Variants in ERGIC2 observed in about 807,000 individuals in gnomAD.
ERGIC2 encodes the protein ERGIC and golgi 2.
Under a neutral mutation model 52.5 loss-of-function variants are expected in ERGIC2, and 31 were observed. The observed-to-expected ratio is 0.59, with a 90% CI of 0.44 to 0.80. The LOEUF (loss-of-function observed/expected upper bound fraction) is 0.80, where lower values mean the gene tolerates loss of function less well. Ranked by LOEUF, ERGIC2 falls within the 30% of genes least tolerant of loss-of-function variation. The pLI is 0.00. For missense variants in ERGIC2, 395 were observed against 455.2 expected (o/e 0.87, Z 1.20); for synonymous variants, 129 against 140.6 (o/e 0.92, Z 0.58).
chr12:29,351,149 A>C (rs868294873), intron 8 of ERGIC2, among the ~76,000 whole-genome samples: 4 of 151,130 alleles, frequency 2.6e-5, no homozygotes, highest in Non-Finnish European at 5.9e-5. Flanking sequence ...TATATCTGAC[A>C]AAAAAAAACC....
At chr12:29,344,664 A>T (rs1940020105) in intron 11 of ERGIC2, among the ~76,000 whole-genome samples, 1 of 151,748 alleles carries the variant, frequency 6.6e-6, no homozygotes, top group African/African-American at 2.4e-5. Context: ...TAATCTCATA[A>T]GAACAAAAAA....
chr12:29,341,668 T>C, intron 13 of ERGIC2, 66 bp downstream of exon 13: 1 of 850,886 alleles, frequency 1.2e-6, no homozygotes, highest in South Asian at 1.6e-5. Flanking sequence ...CCACCATGAC[T>C]GGCTCATAGA....
At chr12:29,374,951 G>A (rs1408695428) in intron 1 of ERGIC2, among the ~76,000 whole-genome samples, 1 of 152,060 alleles carries the variant, frequency 6.6e-6, no homozygotes, top group Non-Finnish European at 1.5e-5. Context: ...TTAAGAGCTT[G>A]GATTCTATCC....
At chr12:29,343,094 T>C (rs541807330) in intron 12 of ERGIC2, 26 bp downstream of exon 12, 16 of 1,539,214 alleles carry the variant, frequency 1.0e-5, no homozygotes, top group African/African-American at 1.4e-5. Flanking sequence ...TTTCAGAAAT[T>C]AGACAAAAAG....
chr12:29,341,744 G>C lies in ERGIC2; in HGVS notation c.1061C>G (p.Pro354Arg), dbSNP rs1159485601. The C allele has an allele frequency of 6.3e-7, 1 of 1,577,894 alleles. No homozygotes were observed. The highest frequency in any genetic ancestry group is 1.7e-5 in the Admixed American group (1 of 59,856). Residue 354 changes from proline to arginine, a missense_variant, in exon 13 of 14, where the codon CCT (proline) becomes CGT (arginine). Coordinates refer to ENST00000360150, the MANE Select transcript of ERGIC2 (RefSeq NM_016570.3). ...TACTACACCACTTACAGAATTGACA[G>C]GTTTATAGGATCCAAGTCTGAAACG... ...CCRFRLGSYK[P>R]VNSVPFEDGH...
chr12:29,380,361 T>C (rs930984719), intron 1 of ERGIC2, among the ~76,000 whole-genome samples: 1 of 152,096 alleles, frequency 6.6e-6, no homozygotes, highest in East Asian at 1.9e-4. Context: ...TCATTGCTTC[T>C]GAAAACCAGT....
chr12:29,378,733 T>C, intron 1 of ERGIC2, among the ~76,000 whole-genome samples: 1 of 152,120 alleles, frequency 6.6e-6, no homozygotes, highest in East Asian at 1.9e-4. Flanking sequence ...AAAGGTTTAC[T>C]TGGAAGCCAA....
chr12:29,368,264 A>G lies in ERGIC2; in HGVS notation c.239T>C (p.Ile80Thr). Residue 80 changes from isoleucine to threonine, a missense_variant, in exon 4 of 14, where the codon ATT (isoleucine) becomes ACT (threonine). Physicochemically the swap from Ile to Thr is moderately conservative, Grantham distance 89. Transcript: ENST00000360150. ...ACATTGACACTTCATGGCAACAGTA[A>G]TATCTATATTAATTCTTAATTTGCT... ...FSSKLRINID[I>T]TVAMKCQYVG... The G allele has an allele frequency of 1.3e-6, 2 of 1,557,530 alleles. No individual in the cohort carries two copies. The highest frequency in any genetic ancestry group is 1.8e-6 in the Non-Finnish European group (2 of 1,129,960).
At position 29,378,286 on chromosome 12, in the gene ERGIC2, T is replaced by C. The variant is rs183632216; in HGVS notation, c.-38+2829A>G. ...AGGATTGCCCAGAAGCCAGGAAGAG[T>C]CAAAGAAGGATTCTTTCCTAGAGTC... On this transcript the variant is annotated intron_variant, in intron 1 of 13. Transcript: ENST00000360150. Among the ~76,000 whole-genome samples, 559 of 152,040 alleles carry C rather than the reference T, an allele frequency of 3.7e-3. 3 individuals carry two copies. Among genetic ancestry groups the C allele is most frequent in the African/African-American group, 9.0e-3 (375 of 41,484 alleles).
At chr12:29,366,309 C>T (rs1035310408) in intron 5 of ERGIC2, among the ~76,000 whole-genome samples, 2 of 151,774 alleles carry the variant, frequency 1.3e-5, no homozygotes, top group Admixed American at 6.6e-5. Flanking sequence ...GATAAATCTA[C>T]GATGTTATAT....
rs1317804074 is a variant in ERGIC2 at position 29,349,058 on chromosome 12, CAAT to C, written c.727+18_727+20del. The stretch of plus-strand genomic sequence containing the variant: ...AAAATTTTCTACATGTAAAATCCAA[CAAT>C]AATTATTAAATACTTACGATCTATA... On this transcript the variant is annotated intron_variant, in intron 10 of 13. Coordinates refer to ENST00000360150, the MANE Select transcript of ERGIC2 (RefSeq NM_016570.3). 6 of 1,304,298 alleles carry C rather than the reference CAAT, an allele frequency of 4.6e-6. No individual in the cohort carries two copies. Among genetic ancestry groups the C allele is most frequent in the Middle Eastern group, 1.9e-4 (1 of 5,388 alleles). 80.8% of individuals were successfully genotyped at this position (1,304,298 alleles called of 1,614,324 possible).
In ERGIC2 at chr12:29,339,258, A is replaced by G. The variant is rs531217792; in HGVS notation, c.*1898T>C. 2.6e-5 allele frequency: 4 copies of G among 152,346 alleles called. No homozygotes were observed. The South Asian group carries it at 6.2e-4, about 24-fold the overall frequency. 9.4% of individuals were successfully genotyped at this position (152,346 alleles called of 1,614,324 possible). A position where few individuals can be genotyped will look rare whatever the true frequency, so the allele number is the denominator to read the frequency against. On this transcript the variant is annotated 3_prime_UTR_variant, in exon 14 of 14. Transcript: ENST00000360150. ...ATACGAAAACAATTAAAAATCATATATAAGTATCAAAATAATTTTTAAAGT... is the reference window on the plus strand; with the variant it reads ...ATACGAAAACAATTAAAAATCATATGTAAGTATCAAAATAATTTTTAAAGT...
chr12:29,378,925 T>C (rs1045097636), intron 1 of ERGIC2, among the ~76,000 whole-genome samples: 2 of 152,184 alleles, frequency 1.3e-5, no homozygotes, highest in Non-Finnish European at 2.9e-5. Context: ...AAATGAGGCA[T>C]GTAATATCTA....
chr12:29,366,349 A>C (rs1021569869), intron 5 of ERGIC2, among the ~76,000 whole-genome samples: 2 of 151,970 alleles, frequency 1.3e-5, no homozygotes, highest in South Asian at 4.1e-4. Context: ...TAATAAGAAA[A>C]TGTCAGCATT....
intron 6 of ERGIC2, among the ~76,000 whole-genome samples, chr12:29,358,053 C>A (rs553454096): frequency 6.6e-6 from 1 of 152,248 alleles, no homozygotes; most frequent in South Asian, 2.1e-4. Context: ...TAACAAAATT[C>A]TTATCTTTGT....
chr12:29,373,141 T>G (rs905551738), intron 1 of ERGIC2, among the ~76,000 whole-genome samples: 1 of 152,164 alleles, frequency 6.6e-6, no homozygotes, highest in African/African-American at 2.4e-5. Flanking sequence ...ATCATGAATT[T>G]TAATTGCCTT....
intron 7 of ERGIC2, 43 bp from the exon 8 acceptor site, chr12:29,356,520 T>C: frequency 9.7e-7 from 1 of 1,029,376 alleles, no homozygotes; most frequent in Non-Finnish European, 1.5e-6. Context: ...TTCAATACAG[T>C]TACCATTTTA....
intron 3 of ERGIC2, among the ~76,000 whole-genome samples, chr12:29,369,036 T>C (rs1940402636): frequency 6.6e-6 from 1 of 151,934 alleles, no homozygotes; most frequent in Non-Finnish European, 1.5e-5. Context: ...CTATGATAAC[T>C]TTTTTCTGTG....
In ERGIC2 at chr12:29,350,154, T is replaced by C. The variant is rs1164886711; in HGVS notation, c.573-86A>G. On this transcript the variant is annotated intron_variant, in intron 8 of 13. Transcript: ENST00000360150. Reference sequence around the variant, plus strand: ...CAGAAACTGGATCTTCCCTAAGTTATATAATTTTTCTTAGTACAAAATAAC... The same window carrying C: ...CAGAAACTGGATCTTCCCTAAGTTACATAATTTTTCTTAGTACAAAATAAC... 2.4e-5 allele frequency: 19 copies of C among 803,930 alleles called. No homozygotes were observed. In the Admixed American group the frequency reaches 4.6e-4, roughly 20 times the overall value. The allele number at this position is 803,930 out of a possible 1,614,324, so 49.8% of individuals were successfully genotyped here.
Sources: gnomAD v4.1 joint callset for allele counts (sites outside exome capture counted in the v4.1 genomes callset) on GRCh38, gnomAD v4.1.1 for gene constraint, MANE v1.5 for transcripts, NCBI Gene and HGNC (gene_info 2026-07-23, HGNC 2026-07-21) for gene names.